SLC22A3: variants seen among roughly 807,000 people sequenced by gnomAD.
The protein encoded by SLC22A3 is solute carrier family 22 member 3.
A neutral mutation model predicts 59.1 loss-of-function variants in SLC22A3; 51 were observed. The ratio of observed to expected loss-of-function variants is 0.86; its 90% CI spans 0.69 to 1.09. The LOEUF (loss-of-function observed/expected upper bound fraction) is 1.09, where lower values mean the gene tolerates loss of function less well. Ranked by LOEUF, SLC22A3 falls within the 50% of genes least tolerant of loss-of-function variation. SLC22A3 has a pLI of 0.00. For synonymous variants in SLC22A3, 325 were observed against 292.0 expected (o/e 1.11, Z -1.15); for missense variants, 711 against 726.3 (o/e 0.98, Z 0.24).
chr6:160,348,753 G>A lies in SLC22A3; in HGVS notation c.334G>A (p.Asp112Asn). Residue 112 changes from aspartate to asparagine, a missense_variant, in exon 1 of 11, where the codon GAC becomes AAC. Physicochemically the swap from Asp to Asn is conservative, Grantham distance 23. Transcript: ENST00000275300. The stretch of plus-strand genomic sequence containing the variant: ...CGCCACTAGCGCTCTCAGCTGCGCG[G>A]ACCCACTCGCCGCCTTCCCCAACCG... Reference protein sequence around the residue: ...ASATSALSCADPLAAFPNRSA... With the variant: ...ASATSALSCANPLAAFPNRSA... 1 of 1,540,230 alleles carries A rather than the reference G, an allele frequency of 6.5e-7. No individual in the cohort carries two copies. The highest frequency in any genetic ancestry group is 8.7e-7 in the Non-Finnish European group (1 of 1,149,210).
At chr6:160,433,515 T>TCTACTACTACTA (rs3066966) in intron 5 of SLC22A3, among the ~76,000 whole-genome samples, 9,705 of 146,836 alleles carry the variant, frequency 0.066, 351 homozygotes, top group East Asian at 0.1. Context: ...AGACCCTGTC[T>TCTACTACTACTA]CTACTACTAC....
intron 2 of SLC22A3, among the ~76,000 whole-genome samples, chr6:160,405,930 G>T (rs1786995977): frequency 6.6e-6 from 1 of 152,114 alleles, no homozygotes. Context: ...GGAGAGGGAG[G>T]GATGAACAGG....
At chr6:160,404,231 A>AAT (rs747184049) in intron 2 of SLC22A3, among the ~76,000 whole-genome samples, 1 of 151,936 alleles carries the variant, frequency 6.6e-6, no homozygotes, top group Non-Finnish European at 1.5e-5. Context: ...CTAATAAGTG[A>AAT]GTATAGTGAA....
intron 1 of SLC22A3, among the ~76,000 whole-genome samples, chr6:160,381,245 TAAAG>T (rs1785785152): frequency 6.6e-6 from 1 of 152,240 alleles, no homozygotes; most frequent in African/African-American, 2.4e-5. Flanking sequence ...TAGTATCTTA[TAAAG>T]ACAGTGCCTG....
chr6:160,369,385 G>A (rs1022499971), intron 1 of SLC22A3, among the ~76,000 whole-genome samples: 10 of 152,140 alleles, frequency 6.6e-5, no homozygotes, highest in African/African-American at 2.2e-4. Context: ...AAACAATATC[G>A]GAATTTGCTA....
chr6:160,403,668 A>G (rs1371900824), intron 2 of SLC22A3, among the ~76,000 whole-genome samples: 2 of 141,620 alleles, frequency 1.4e-5, no homozygotes, highest in Admixed American at 7.4e-5. Context: ...GTAGAATCCA[A>G]TAGTGTATAA....
intron 2 of SLC22A3, among the ~76,000 whole-genome samples, chr6:160,404,678 C>G (rs1021695218): frequency 6.6e-6 from 1 of 152,146 alleles, no homozygotes; most frequent in Admixed American, 6.5e-5. Flanking sequence ...ACTGGCACTA[C>G]TTAACGTCAA....
At chr6:160,382,425 A>T (rs4709425) in intron 1 of SLC22A3, among the ~76,000 whole-genome samples, 70,956 of 152,062 alleles carry the variant, frequency 0.47, 16,841 homozygotes, top group East Asian at 0.57. Flanking sequence ...AAACAAAGCA[A>T]CTGCAGAAGC....
intron 1 of SLC22A3, among the ~76,000 whole-genome samples, chr6:160,371,989 T>A (rs1006499342): frequency 3.9e-5 from 6 of 152,224 alleles, no homozygotes; most frequent in African/African-American, 1.4e-4. Flanking sequence ...TTGAGAAGTG[T>A]CTGTTCATAT....
chr6:160,411,995 T>C (rs1262100651), intron 5 of SLC22A3, among the ~76,000 whole-genome samples: 1 of 152,184 alleles, frequency 6.6e-6, no homozygotes, highest in Non-Finnish European at 1.5e-5. Context: ...AAGACTAGGT[T>C]GTCAACATTG....
At chr6:160,429,656 C>T (rs1050407588) in intron 5 of SLC22A3, among the ~76,000 whole-genome samples, 2 of 152,152 alleles carry the variant, frequency 1.3e-5, no homozygotes, top group African/African-American at 2.4e-5. Flanking sequence ...GTTCAGCAGG[C>T]TCCCAGGGGA....
At chr6:160,448,498 T>C (rs563900500) in intron 10 of SLC22A3, among the ~76,000 whole-genome samples, 8 of 152,080 alleles carry the variant, frequency 5.3e-5, no homozygotes, top group Non-Finnish European at 1.0e-4. Context: ...TGATAGGTAA[T>C]GTCTGGATAG....
At chr6:160,423,836 T>C (rs1212997014) in intron 5 of SLC22A3, among the ~76,000 whole-genome samples, 1 of 152,216 alleles carries the variant, frequency 6.6e-6, no homozygotes, top group Non-Finnish European at 1.5e-5. Flanking sequence ...TTAGATCCCA[T>C]TTGTCAATTT....
chr6:160,358,390 CAGAG>C (rs1399524669), intron 1 of SLC22A3, among the ~76,000 whole-genome samples: 1 of 152,196 alleles, frequency 6.6e-6, no homozygotes, highest in African/African-American at 2.4e-5. Context: ...AAAGTTGACT[CAGAG>C]AGGCAGCTTG....
chr6:160,388,733 C>T (rs1419229373), intron 1 of SLC22A3, among the ~76,000 whole-genome samples: 1 of 152,184 alleles, frequency 6.6e-6, no homozygotes, highest in Non-Finnish European at 1.5e-5. Flanking sequence ...CTATACACCA[C>T]CTTATTCACT....
At chr6:160,367,962 C>T (rs1182802976) in intron 1 of SLC22A3, among the ~76,000 whole-genome samples, 2 of 152,198 alleles carry the variant, frequency 1.3e-5, no homozygotes, top group Non-Finnish European at 2.9e-5. Flanking sequence ...AGTGGCCCCA[C>T]TGCCCTTCCC....
chr6:160,396,848 A>C (rs2114830259), intron 1 of SLC22A3, among the ~76,000 whole-genome samples: 1 of 152,330 alleles, frequency 6.6e-6, no homozygotes, highest in African/African-American at 2.4e-5. Flanking sequence ...AAATTTTAAA[A>C]ATTAAATGTC....
intron 5 of SLC22A3, among the ~76,000 whole-genome samples, chr6:160,416,610 C>A (rs1281925016): frequency 6.6e-6 from 1 of 152,158 alleles, no homozygotes; most frequent in Non-Finnish European, 1.5e-5. Flanking sequence ...GAACTGCTTT[C>A]TGCCCTGGCC....
At chr6:160,426,506 A>G (rs577515554) in intron 5 of SLC22A3, 11 of 281,000 alleles carry the variant, frequency 3.9e-5, no homozygotes, top group Non-Finnish European at 4.8e-5. Context: ...TCTGATTTAT[A>G]TGTTTGCTAT....
Sources: gnomAD v4.1 joint callset for allele counts (sites outside exome capture counted in the v4.1 genomes callset) on GRCh38, gnomAD v4.1.1 for gene constraint, MANE v1.5 for transcripts, NCBI Gene and HGNC (gene_info 2026-07-23, HGNC 2026-07-21) for gene names.